PRRC2A: variants seen among roughly 807,000 people sequenced by gnomAD.
PRRC2A encodes the protein proline rich coiled-coil 2A.
A neutral mutation model predicts 224.6 loss-of-function variants in PRRC2A; 59 were observed. The ratio of observed to expected loss-of-function variants is 0.26; its 90% CI spans 0.21 to 0.33. PRRC2A has a LOEUF of 0.33. PRRC2A is among the 10% of genes least tolerant of loss of function. PRRC2A has a pLI of 1.00. For missense variants in PRRC2A, 3,095 were observed against 2,880.7 expected (o/e 1.07, Z -1.70); for synonymous variants, 1,194 against 1,109.5 (o/e 1.08, Z -1.51).
chr6:31,627,419 G>A lies in PRRC2A; in HGVS notation c.1290+221G>A, dbSNP rs1462785122. 2.6e-5 allele frequency among the ~76,000 whole-genome samples: 4 copies of A among 152,196 alleles called. No individual in the cohort carries two copies. The highest frequency in any genetic ancestry group is 4.4e-5 in the Non-Finnish European group (3 of 68,032). On this transcript the variant is annotated intron_variant, in intron 11 of 30. Coordinates refer to ENST00000376033, the MANE Select transcript of PRRC2A (RefSeq NM_004638.4). The surrounding 1 kb of genome is among the most constrained non-coding windows in gnomAD (Gnocchi z 5.6). ...GATGCTAATGAGGAAAGAAGAAAAAGGAGCCCTGGGTGTTTGGGTTTCGGA... is the reference window on the plus strand; with the variant it reads ...GATGCTAATGAGGAAAGAAGAAAAAAGAGCCCTGGGTGTTTGGGTTTCGGA...
rs771285063 is a variant in PRRC2A, at chr6:31,628,095, A to G, written c.1621A>G (p.Thr541Ala). The change falls in exon 12 of 31, where the codon ACA becomes GCA. Residue 541 changes from threonine to alanine, a missense_variant. Thr to Ala is a moderately conservative substitution (Grantham distance 58, BLOSUM62 0). Coordinates refer to ENST00000376033, the MANE Select transcript of PRRC2A (RefSeq NM_004638.4). ...PPAPPPASAPTPETEPEEPAQ... is the reference protein window; with the variant it reads ...PPAPPPASAPAPETEPEEPAQ... ...AGCTCCACCTCCAGCATCAGCCCCAACACCAGAGACAGAACCTGAAGAGCC... is the reference window on the plus strand; with the variant it reads ...AGCTCCACCTCCAGCATCAGCCCCAGCACCAGAGACAGAACCTGAAGAGCC... 6.2e-7 allele frequency: 1 copy of G among 1,612,992 alleles called. No homozygotes were observed. Among genetic ancestry groups the G allele is most frequent in the South Asian group, 1.1e-5 (1 of 91,060 alleles).
Position 31,628,026 on chromosome 6 carries a change from C to A in PRRC2A, c.1552C>A (p.Pro518Thr), listed in dbSNP as rs1238984499. 10 of 1,612,594 alleles carry A rather than the reference C, an allele frequency of 6.2e-6. No homozygotes were observed. Residue 518 changes from proline (P) to threonine (T), a missense_variant, in exon 12 of 31, where the codon CCA (proline) becomes ACA (threonine). Coordinates refer to ENST00000376033, the MANE Select transcript of PRRC2A (RefSeq NM_004638.4). ...TGCCCCACCTGCTGCCCCTTCTACC[C>A]CAGCTCCACCACCTGCAGTCCCTAA... ...PAAPPAAPST[P>T]APPPAVPKEL...
chr6:31,633,298 T>C (rs1286170027), intron 16 of PRRC2A, 81 bp from the exon 17 acceptor site: 13 of 1,545,238 alleles, frequency 8.4e-6, no homozygotes, highest in Non-Finnish European at 1.1e-5. Flanking sequence ...GAATAGGTTG[T>C]AAGCAGAAGT....
rs1296898002 is a variant in PRRC2A at position 31,635,339 on chromosome 6, A to G, written c.5302-55A>G. On this transcript the variant is annotated intron_variant, in intron 22 of 30. Coordinates refer to ENST00000376033, the MANE Select transcript of PRRC2A (RefSeq NM_004638.4). The stretch of plus-strand genomic sequence containing the variant: ...AGAAGGGAAGGACTAAAGGTGGGAC[A>G]TAGAGGACACATGTCTGTCACGGGA... The G allele has an allele frequency of 8.1e-6, 13 of 1,613,830 alleles. No homozygotes were observed. The Admixed American group carries it at 1.3e-4, about 17-fold the overall frequency.
intron 15 of PRRC2A, 61 bp downstream of exon 15, chr6:31,630,862 A>G (rs1776476473): frequency 1.9e-6 from 3 of 1,573,776 alleles, no homozygotes; most frequent in Admixed American, 1.8e-5. Context: ...CCTGGGAGAA[A>G]GGTACTTTGG....
At position 31,633,384 on chromosome 6, in the gene PRRC2A, C is replaced by G. The variant is rs1197471608; in HGVS notation, c.4325C>G (p.Pro1442Arg). ...SWPSPKNRSR[P>R]PEERPPGLPL... The stretch of plus-strand genomic sequence containing the variant: ...TAATGCTCTGTTTTCTCCAGTCGTC[C>G]TCCAGAGGAGCGTCCCCCGGGGCTT... Residue 1442 changes from proline to arginine, a missense_variant, in exon 17 of 31, where the codon CCT becomes CGT. Coordinates refer to ENST00000376033, the MANE Select transcript of PRRC2A (RefSeq NM_004638.4). 1.2e-6 allele frequency: 2 copies of G among 1,612,376 alleles called. No homozygotes were observed. Among genetic ancestry groups the G allele is most frequent in the Non-Finnish European group, 1.7e-6 (2 of 1,179,560 alleles).
Position 31,629,574 on chromosome 6 carries a change from G to T in PRRC2A, c.1983G>T (p.Gln661His), listed in dbSNP as rs1776302303. ...AGCAGCTCCTGAAGCAGCAGCAGCA[G>T]CACCAGTGGCAGCAGCATCAACAGG... Reference protein sequence around the residue: ...QQEQLLKQQQQHQWQQHQQGS... With the variant: ...QQEQLLKQQQHHQWQQHQQGS... The change falls in exon 14 of 31, where the codon CAG (glutamine) becomes CAT (histidine). Residue 661 changes from glutamine (Q) to histidine (H), a missense_variant. Physicochemically the swap from Gln to His is conservative, Grantham distance 24. This residue lies in a region of PRRC2A where 2,001 missense variants were observed against 1,764.9 expected (regional missense o/e 1.13). Transcript: ENST00000376033. 1 of 1,599,734 alleles carries T rather than the reference G, an allele frequency of 6.3e-7. No homozygotes were observed.
At chr6:31,629,889 G>C in intron 14 of PRRC2A, 44 bp downstream of exon 14, 1 of 1,604,292 alleles carries the variant, frequency 6.2e-7, no homozygotes, top group Middle Eastern at 1.7e-4. Flanking sequence ...AGTCCCCTCA[G>C]TCTTAGGCAT....
rs746182015 is a variant in PRRC2A at position 31,636,612 on chromosome 6, T to G, written c.5934+4T>G. The G allele has an allele frequency of 6.3e-7, 1 of 1,596,690 alleles. No individual in the cohort carries two copies. Among genetic ancestry groups the G allele is most frequent in the South Asian group, 1.1e-5 (1 of 88,800 alleles). On this transcript the variant is annotated splice_donor_region_variant and intron_variant, in intron 27 of 30. Transcript: ENST00000376033. The surrounding 1 kb of genome is among the most constrained non-coding windows in gnomAD (Gnocchi z 4.3). ...TTCAGGGGCTCCTGCCCAGCAGGTA[T>G]ATTGTATCTTCACACTTCCCCTTCA...
In PRRC2A at chr6:31,625,292, C is replaced by G; in HGVS notation, c.585C>G (p.Pro195=). 1 of 1,613,622 alleles carries G rather than the reference C, an allele frequency of 6.2e-7. No homozygotes were observed. Among genetic ancestry groups the G allele is most frequent in the Non-Finnish European group, 8.5e-7 (1 of 1,180,050 alleles). The change falls in exon 6 of 31, where the codon CCC becomes CCG. Residue 195 remains proline, a synonymous_variant. Transcript: ENST00000376033. The surrounding 1 kb of genome is among the most constrained non-coding windows in gnomAD (Gnocchi z 4.1). ...ERESAEQSSG[P]GPSLRPQNST... The stretch of plus-strand genomic sequence containing the variant: ...AGTCTGCCGAACAGTCGTCTGGGCC[C>G]GGACCAAGCCTCCGCCCCCAAAGTG...
rs748157799 is a variant in PRRC2A at position 31,624,069 on chromosome 6, AAACTT to A, written c.290+161_290+165del. Among the ~76,000 whole-genome samples the A allele has an allele frequency of 8.5e-5, 13 of 152,344 alleles. No individual in the cohort carries two copies. In the East Asian group the frequency reaches 1.7e-3, roughly 20 times the overall value. ...TGTTAAATGACTAAGGAATGGTACTAAACTTTAGCTTTTTGTCTTGGAGAGAGAGC... is the reference window on the plus strand; with the variant it reads ...TGTTAAATGACTAAGGAATGGTACTATAGCTTTTTGTCTTGGAGAGAGAGC... On this transcript the variant is annotated intron_variant, in intron 3 of 30. Transcript: ENST00000376033.
intron 14 of PRRC2A, among the ~76,000 whole-genome samples, chr6:31,630,335 G>A (rs1290197881): frequency 2.0e-5 from 3 of 152,132 alleles, no homozygotes; most frequent in African/African-American, 7.2e-5. Flanking sequence ...TGAATGAATA[G>A]CACAACTCCA....
intron 12 of PRRC2A, among the ~76,000 whole-genome samples, chr6:31,628,459 T>A (rs1031409638): frequency 2.6e-5 from 4 of 152,186 alleles, no homozygotes; most frequent in African/African-American, 9.7e-5. Flanking sequence ...CAGAGTACTG[T>A]AGCTCACGCC....
intron 21 of PRRC2A, 68 bp from the exon 22 acceptor site, chr6:31,635,064 G>GTC: frequency 6.2e-7 from 1 of 1,601,418 alleles, no homozygotes; most frequent in South Asian, 1.1e-5. Context: ...CTGCGTGTGT[G>GTC]TTCTGGGCAT....
rs780640642 is a variant in PRRC2A at position 31,622,843 on chromosome 6, C to T, written c.54C>T (p.Ser18=). The part of the protein sequence containing the change: ...TAKGKDGKKY[S]SLNLFDTYKG... ...AGGGAAAGGATGGAAAGAAGTATTC[C>T]TCGCTCAACCTGTTTGATACGTATA... is the stretch of plus-strand genomic sequence containing the variant. The change falls in exon 2 of 31, where the codon TCC becomes TCT. Residue 18 remains serine (S), a synonymous_variant. Transcript: ENST00000376033. The T allele has an allele frequency of 1.2e-6, 2 of 1,614,020 alleles. No homozygotes were observed. Among genetic ancestry groups the T allele is most frequent in the East Asian group, 2.2e-5 (1 of 44,886 alleles).
At chr6:31,622,316 C>A (rs568995770) in intron 1 of PRRC2A, among the ~76,000 whole-genome samples, 1 of 152,300 alleles carries the variant, frequency 6.6e-6, no homozygotes, top group South Asian at 2.1e-4. Context: ...GTTTCTTCTT[C>A]TCTGATGGAA....
In PRRC2A at chr6:31,635,571, C is replaced by G; in HGVS notation, c.5374-11C>G. 4 of 1,610,826 alleles carry G rather than the reference C, an allele frequency of 2.5e-6. No homozygotes were observed. The highest frequency in any genetic ancestry group is 3.4e-6 in the Non-Finnish European group (4 of 1,178,474). On this transcript the variant is annotated splice_polypyrimidine_tract_variant and intron_variant, in intron 23 of 30. Transcript: ENST00000376033. ...CCAGACATCCCTCTCCACGAGGCCT[C>G]TCCTTCCCAGGCCATTCCTGTATCA...
rs768820373 is a variant in PRRC2A at position 31,629,249 on chromosome 6, G to T, written c.1871G>T (p.Gly624Val). Residue 624 changes from glycine (G) to valine (V), a missense_variant, in exon 13 of 31, where the codon GGT becomes GTT. Around this residue, in one of 8 missense-constraint regions of PRRC2A, gnomAD observed 2,001 missense variants for 1,764.9 expected, o/e 1.13. Coordinates refer to ENST00000376033, the MANE Select transcript of PRRC2A (RefSeq NM_004638.4). ...GTGGAACCCAAGGGTGATGGGATTG[G>T]TCCCACCCGCCAGCCCCCTAGTCAG... is the stretch of plus-strand genomic sequence containing the variant. ...PKVEPKGDGIGPTRQPPSQGL... is the reference protein window; with the variant it reads ...PKVEPKGDGIVPTRQPPSQGL... The T allele has an allele frequency of 3.1e-6, 5 of 1,612,668 alleles. No homozygotes were observed. In the African/African-American group the frequency reaches 5.3e-5, roughly 17 times the overall value.
chr6:31,629,037 A>G, intron 12 of PRRC2A, 107 bp from the exon 13 acceptor site: 1 of 1,146,160 alleles, frequency 8.7e-7, no homozygotes, highest in Non-Finnish European at 1.3e-6. Flanking sequence ...TGTTGAATAG[A>G]ATATTTTAGT....
Sources: allele counts gnomAD v4.1 joint callset (sites outside exome capture counted in the v4.1 genomes callset), GRCh38; gene constraint gnomAD v4.1.1; regional missense constraint gnomAD v4.1.1; non-coding constraint Gnocchi (gnomAD v3.1); transcripts MANE v1.5; gene names NCBI Gene and HGNC (gene_info 2026-07-23, HGNC 2026-07-21).